NYAP2: variants seen among roughly 807,000 people sequenced by gnomAD.
NYAP2 encodes neuronal tyrosine-phosphorylated phosphoinositide-3-kinase adaptor 2, also known as neuronal tyrosine-phosphorylated phosphoinositide-3-kinase adapter 2.
A neutral mutation model predicts 50.4 loss-of-function variants in NYAP2; 23 were observed. The observed-to-expected ratio is 0.46, with a 90% CI of 0.33 to 0.65. NYAP2 has a LOEUF of 0.65. NYAP2 is among the 30% of genes least tolerant of loss of function. The probability of loss-of-function intolerance (pLI) is 0.02; values close to 1 mark genes in which losing one functional copy is unlikely to be tolerated. For synonymous variants in NYAP2, 394 were observed against 365.2 expected (o/e 1.08, Z -0.90); for missense variants, 885 against 861.0 (o/e 1.03, Z -0.35).
chr2:225,602,648 G>A (rs1383777006), intron 5 of NYAP2, among the ~76,000 whole-genome samples: 1 of 152,132 alleles, frequency 6.6e-6, no homozygotes, highest in South Asian at 2.1e-4. Context: ...TATAGGTAGT[G>A]TAAGGTAAGA....
At chr2:225,409,101 G>T (rs1366462798) in exon 3 of NYAP2, 1 of 1,563,690 alleles carries the variant, frequency 6.4e-7, no homozygotes, top group South Asian at 1.2e-5. Context: ...GCAATAAAGC[G>T]GTAAATATAA....
At chr2:225,687,154 T>C in the NYAP2 span, among the ~76,000 whole-genome samples, 6 of 152,192 alleles carry the variant, frequency 3.9e-5, no homozygotes, top group Non-Finnish European at 8.8e-5. Flanking sequence ...CTATTAGGCA[T>C]GTGATGCTAT....
At chr2:225,472,193 TCA>T (rs1415747563) in intron 3 of NYAP2, among the ~76,000 whole-genome samples, 1 of 152,186 alleles carries the variant, frequency 6.6e-6, no homozygotes, top group Non-Finnish European at 1.5e-5. Context: ...ATCCTGCTTC[TCA>T]AGAAGAAAAA....
At chr2:225,493,119 G>T (rs1690437887) in intron 3 of NYAP2, among the ~76,000 whole-genome samples, 1 of 151,808 alleles carries the variant, frequency 6.6e-6, no homozygotes, top group South Asian at 2.1e-4. Context: ...ACAAATAGCT[G>T]GGACTACAGG....
intron 3 of NYAP2, among the ~76,000 whole-genome samples, chr2:225,511,353 CACACACACACACACACACACAG>C (rs1690811806): frequency 7.0e-6 from 1 of 143,558 alleles, no homozygotes; most frequent in African/African-American, 2.6e-5. Flanking sequence ...CACACACACA[CACACACACACACACACACACAG>C]AGAGAGAGAG....
intron 3 of NYAP2, among the ~76,000 whole-genome samples, chr2:225,413,870 G>T (rs937426084): frequency 6.6e-6 from 1 of 152,148 alleles, no homozygotes; most frequent in Non-Finnish European, 1.5e-5. Context: ...TAAAGATGGG[G>T]CATGTTTGAC....
intron 3 of NYAP2, among the ~76,000 whole-genome samples, chr2:225,447,325 TTTTG>T (rs376759382): frequency 3.3e-5 from 5 of 152,290 alleles, no homozygotes; most frequent in African/African-American, 7.2e-5. Context: ...ACATAGAGGT[TTTTG>T]TTTGTTTGTT....
intron 4 of NYAP2, among the ~76,000 whole-genome samples, chr2:225,548,885 A>ATTT (rs1394727255): frequency 2.5e-5 from 1 of 40,374 alleles, no homozygotes. Context: ...AGAATGCAGC[A>ATTT]ATTTTTTTTT....
At chr2:225,666,853 C>A in the NYAP2 span, among the ~76,000 whole-genome samples, 20 of 139,766 alleles carry the variant, frequency 1.4e-4, no homozygotes, top group South Asian at 3.1e-3. Flanking sequence ...TCCATGCCCC[C>A]CCACCCCCCC....
intron 3 of NYAP2, among the ~76,000 whole-genome samples, chr2:225,420,284 T>C (rs1386528735): frequency 6.6e-6 from 1 of 152,192 alleles, no homozygotes; most frequent in Admixed American, 6.5e-5. Flanking sequence ...TGAGCTGCTA[T>C]ATTTTTACTC....
chr2:225,578,129 C>T (rs1692200337), intron 4 of NYAP2, among the ~76,000 whole-genome samples: 1 of 151,944 alleles, frequency 6.6e-6, no homozygotes, highest in South Asian at 2.1e-4. Context: ...GATGGGGTTT[C>T]ACCATGTTGG....
intron 5 of NYAP2, among the ~76,000 whole-genome samples, chr2:225,624,057 T>A (rs1693168124): frequency 6.6e-6 from 1 of 152,214 alleles, no homozygotes; most frequent in South Asian, 2.1e-4. Context: ...ACTGCAACAA[T>A]TTTTAAAGTA....
At chr2:225,533,940 G>A (rs1691302720) in intron 4 of NYAP2, among the ~76,000 whole-genome samples, 1 of 152,068 alleles carries the variant, frequency 6.6e-6, no homozygotes, top group Non-Finnish European at 1.5e-5. Flanking sequence ...TTCTTAACTG[G>A]CAGGTTATCC....
At chr2:225,591,541 C>T (rs1015019583) in intron 5 of NYAP2, among the ~76,000 whole-genome samples, 2 of 152,088 alleles carry the variant, frequency 1.3e-5, no homozygotes, top group African/African-American at 2.4e-5. Flanking sequence ...TATACTTAAC[C>T]TTCATGCCAT....
chr2:225,457,604 C>G (rs142992438), intron 3 of NYAP2, among the ~76,000 whole-genome samples: 4 of 152,180 alleles, frequency 2.6e-5, no homozygotes, highest in Non-Finnish European at 5.9e-5. Context: ...CCAGGGAACA[C>G]GATGGACTCT....
chr2:225,504,144 A>C (rs1690659472), intron 3 of NYAP2, among the ~76,000 whole-genome samples: 1 of 152,180 alleles, frequency 6.6e-6, no homozygotes, highest in Non-Finnish European at 1.5e-5. Context: ...TGCTAGGATA[A>C]ATACCACAGA....
At chr2:225,624,207 C>T (rs1574715967) in intron 5 of NYAP2, among the ~76,000 whole-genome samples, 5 of 152,284 alleles carry the variant, frequency 3.3e-5, no homozygotes, top group Admixed American at 3.3e-4. Context: ...CTGCCCAATT[C>T]ACAAATCATT....
intron 5 of NYAP2, among the ~76,000 whole-genome samples, chr2:225,626,300 G>A (rs1012017835): frequency 1.2e-4 from 19 of 152,322 alleles, no homozygotes; most frequent in African/African-American, 2.9e-4. Context: ...GAAAGAATAT[G>A]TGTAGCAGAA....
intron 3 of NYAP2, among the ~76,000 whole-genome samples, chr2:225,426,954 G>A (rs747797210): frequency 7.6e-4 from 116 of 152,306 alleles, no homozygotes; most frequent in Admixed American, 1.4e-3. Flanking sequence ...TGAGTTACCT[G>A]TGGTCATATA....
Sources: allele counts gnomAD v4.1 joint callset (sites outside exome capture counted in the v4.1 genomes callset), GRCh38; gene constraint gnomAD v4.1.1; transcripts MANE v1.5; gene names NCBI Gene and HGNC (gene_info 2026-07-23, HGNC 2026-07-21).